COL4A1: variants seen among roughly 807,000 people sequenced by gnomAD.
COL4A1 encodes the protein collagen type IV alpha 1 chain, also known as collagen alpha-1(IV) chain.
In COL4A1, 40 loss-of-function variants were observed where a neutral mutation model predicts 216.6. The ratio of observed to expected loss-of-function variants is 0.18; its 90% CI spans 0.14 to 0.24. The LOEUF is 0.24. Ranked by LOEUF, COL4A1 falls within the 10% of genes least tolerant of loss-of-function variation. COL4A1 has a pLI of 1.00. For missense variants in COL4A1, 1,628 were observed against 2,196.8 expected (o/e 0.74, Z 5.18); for synonymous variants, 839 against 810.7 (o/e 1.03, Z -0.59).
intron 1 of COL4A1, among the ~76,000 whole-genome samples, chr13:110,289,642 T>TA (rs1188485813): frequency 6.6e-6 from 1 of 152,212 alleles, no homozygotes; most frequent in African/African-American, 2.4e-5. Context: ...TTCAACATGT[T>TA]AGACGTTACA....
At chr13:110,187,860 T>C (rs1422146813) in intron 24 of COL4A1, among the ~76,000 whole-genome samples, 1 of 152,194 alleles carries the variant, frequency 6.6e-6, no homozygotes, top group Admixed American at 6.5e-5. Context: ...TGCTGAATAC[T>C]CCTGTGCATA....
In COL4A1 at chr13:110,268,012, C is replaced by A. The variant is rs533879632; in HGVS notation, c.85-25278G>T. Among the ~76,000 whole-genome samples the A allele has an allele frequency of 9.0e-6, 1 of 110,662 alleles. No individual in the cohort carries two copies. Among genetic ancestry groups the A allele is most frequent in the Non-Finnish European group, 2.2e-5 (1 of 44,774 alleles). 72.6% of individuals were successfully genotyped at this position (110,662 alleles called of 152,430 possible). On this transcript the variant is annotated intron_variant, in intron 1 of 51. Coordinates refer to ENST00000375820, the MANE Select transcript of COL4A1 (RefSeq NM_001845.6). The surrounding 1 kb of genome is among the most constrained non-coding windows in gnomAD (Gnocchi z 4.1). ...CAACACCTAGAACACAGCTGCCCCC[C>A]TCAAAAAAAAAATACAGAAAAAAGA...
rs1879346676 is a variant in COL4A1 at position 110,203,613 on chromosome 13, A to G, written c.958-6T>C. On this transcript the variant is annotated splice_polypyrimidine_tract_variant and splice_region_variant and intron_variant, in intron 17 of 51. Coordinates refer to ENST00000375820, the MANE Select transcript of COL4A1 (RefSeq NM_001845.6). ...CCTGCTTCACCCTTTTCTCCCTACA[A>G]AAGAAAAAATAACTTTCCTTGCATA... is the stretch of plus-strand genomic sequence containing the variant. 1 of 1,614,116 alleles carries G rather than the reference A, an allele frequency of 6.2e-7. No individual in the cohort carries two copies. Among genetic ancestry groups the G allele is most frequent in the Non-Finnish European group, 8.5e-7 (1 of 1,180,006 alleles).
chr13:110,160,648 T>C (rs1877040282), intron 49 of COL4A1, among the ~76,000 whole-genome samples: 1 of 152,180 alleles, frequency 6.6e-6, no homozygotes, highest in African/African-American at 2.4e-5. Flanking sequence ...ATATAAATTA[T>C]CTCTGCAAGC....
rs144401828 is a variant in COL4A1 at position 110,178,933 on chromosome 13, C to T, written c.2448G>A (p.Pro816=). ...AAGCATGTCACTCACCTGACAACCCCGGTGGTCCCTGTCCTCCAGGGGGAC... is the reference window on the plus strand; with the variant it reads ...AAGCATGTCACTCACCTGACAACCCTGGTGGTCCCTGTCCTCCAGGGGGAC... ...ARGPPGGQGP[P]GLSGPPGIKG... Residue 816 remains proline, a synonymous_variant, in exon 31 of 52, where the codon CCG becomes CCA. Transcript: ENST00000375820. 67 of 1,610,862 alleles carry T rather than the reference C, an allele frequency of 4.2e-5. No individual in the cohort carries two copies. The Admixed American group carries it at 8.4e-4, about 20-fold the overall frequency.
At chr13:110,215,245 T>C (rs79212920) in intron 2 of COL4A1, among the ~76,000 whole-genome samples, 12,835 of 151,170 alleles carry the variant, frequency 0.085, 538 homozygotes, top group African/African-American at 0.11. Flanking sequence ...TGGGCTTTAA[T>C]GAGAAATGTC....
intron 24 of COL4A1, 128 bp from the exon 25 acceptor site, chr13:110,187,457 T>C: frequency 9.6e-7 from 1 of 1,039,254 alleles, no homozygotes; most frequent in Non-Finnish European, 1.4e-6. Flanking sequence ...TCATGCCTCA[T>C]CATTGATTTT....
chr13:110,187,706 T>C (rs904705490), intron 24 of COL4A1, among the ~76,000 whole-genome samples: 1 of 152,172 alleles, frequency 6.6e-6, no homozygotes, highest in African/African-American at 2.4e-5. Context: ...GTGTGGTTCA[T>C]TGTGCAGCTT....
At chr13:110,196,261 C>A (rs1298648692) in intron 21 of COL4A1, among the ~76,000 whole-genome samples, 6 of 152,182 alleles carry the variant, frequency 3.9e-5, no homozygotes, top group Non-Finnish European at 8.8e-5. Context: ...CACCATGGGT[C>A]CCCCACAGCC....
intron 1 of COL4A1, among the ~76,000 whole-genome samples, chr13:110,306,539 G>A (rs147470033): frequency 0.029 from 4,399 of 152,226 alleles, 76 homozygotes; most frequent in Middle Eastern, 0.075. Context: ...GTGGGTCTCT[G>A]AGCAGCGCGG....
At chr13:110,203,641 C>A in intron 17 of COL4A1, 34 bp from the exon 18 acceptor site, 1 of 1,611,252 alleles carries the variant, frequency 6.2e-7, no homozygotes, top group Non-Finnish European at 8.5e-7. Context: ...CTTGCATATT[C>A]TTACTATAAA....
intron 21 of COL4A1, among the ~76,000 whole-genome samples, chr13:110,197,655 G>C (rs1878966579): frequency 3.9e-5 from 6 of 152,170 alleles, no homozygotes; most frequent in Admixed American, 3.9e-4. Flanking sequence ...GGAATCCATG[G>C]CTCCATCTAG....
chr13:110,299,695 T>C (rs1884418953), intron 1 of COL4A1, among the ~76,000 whole-genome samples: 1 of 152,308 alleles, frequency 6.6e-6, no homozygotes, highest in East Asian at 1.9e-4. Context: ...CCATCGCCTT[T>C]CCAAAAAGTC....
At position 110,253,464 on chromosome 13, in the gene COL4A1, CATATACATATAATTATATGTATTAT is replaced by C. The variant is rs1427704212; in HGVS notation, c.85-10755_85-10731del. Among the ~76,000 whole-genome samples, 23 of 28,246 alleles carry C rather than the reference CATATACATATAATTATATGTATTAT, an allele frequency of 8.1e-4. 2 individuals are homozygous for C. The highest frequency in any genetic ancestry group is 2.0e-3 in the Non-Finnish European group (19 of 9,726). 18.5% of individuals were successfully genotyped at this position (28,246 alleles called of 152,430 possible). On this transcript the variant is annotated intron_variant, in intron 1 of 51. Transcript: ENST00000375820. ...CATATACATATAATTATATGTATTA[CATATACATATAATTATATGTATTAT>C]ATATACATATAATTATACGTATTAC...
At chr13:110,162,139 A>G in intron 48 of COL4A1, 91 bp downstream of exon 48, 1 of 1,199,780 alleles carries the variant, frequency 8.3e-7, no homozygotes, top group Non-Finnish European at 1.2e-6. Context: ...TACTGCCCTC[A>G]CTGCAGCAGC....
chr13:110,253,093 T>TTATATA lies in COL4A1; in HGVS notation c.85-10360_85-10359insTATATA, dbSNP rs1566417314. ...ACATATAACTATAAGTACGTATGTA[T>TTATATA]TACATATACATATAACTATATGTAC... On this transcript the variant is annotated intron_variant, in intron 1 of 51. Transcript: ENST00000375820. 2.4e-4 allele frequency among the ~76,000 whole-genome samples: 28 copies of TTATATA among 115,038 alleles called. 1 individual carries two copies. Among genetic ancestry groups the TTATATA allele is most frequent in the African/African-American group, 8.5e-4 (27 of 31,644 alleles). 75.5% of individuals were successfully genotyped at this position (115,038 alleles called of 152,430 possible).
chr13:110,283,849 A>T (rs1204490508), intron 1 of COL4A1, among the ~76,000 whole-genome samples: 2 of 152,088 alleles, frequency 1.3e-5, no homozygotes, highest in African/African-American at 4.8e-5. Context: ...GACCCTGAAG[A>T]CTTTAGTCAC....
intron 1 of COL4A1, among the ~76,000 whole-genome samples, chr13:110,289,971 A>T (rs34633933): frequency 0.15 from 22,772 of 152,180 alleles, 1,749 homozygotes; most frequent in South Asian, 0.26. Flanking sequence ...TGGGAAGTAA[A>T]AATAGAGGGT....
At chr13:110,250,896 C>T (rs1409267377) in intron 1 of COL4A1, among the ~76,000 whole-genome samples, 1 of 152,192 alleles carries the variant, frequency 6.6e-6, no homozygotes, top group Non-Finnish European at 1.5e-5. Context: ...AGAGACATTT[C>T]GTTCTCTCAA....
Sources: allele counts gnomAD v4.1 joint callset (sites outside exome capture counted in the v4.1 genomes callset), GRCh38; gene constraint gnomAD v4.1.1; non-coding constraint Gnocchi (gnomAD v3.1); transcripts MANE v1.5; gene names NCBI Gene and HGNC (gene_info 2026-07-23, HGNC 2026-07-21).